The following CNTNAP5 variants were observed in gnomAD, a reference collection of about 807,000 sequenced individuals.
The protein encoded by CNTNAP5 is contactin associated protein family member 5, also known as contactin-associated protein-like 5.
CNTNAP5 carries 72 observed loss-of-function variants against 150.2 expected under a neutral mutation model. That is an observed-to-expected ratio of 0.48 (90% CI 0.40 to 0.58). The LOEUF (loss-of-function observed/expected upper bound fraction) is 0.58, where lower values mean the gene tolerates loss of function less well. CNTNAP5 is among the 20% of genes least tolerant of loss of function. The pLI is 0.00. For synonymous variants in CNTNAP5, 672 were observed against 619.8 expected (o/e 1.08, Z -1.25); for missense variants, 1,636 against 1,626.2 (o/e 1.01, Z -0.10).
chr2:124,396,506 C>T (rs549144281), intron 3 of CNTNAP5, among the ~76,000 whole-genome samples: 32 of 152,224 alleles, frequency 2.1e-4, no homozygotes, highest in Non-Finnish European at 4.1e-4. Context: ...TTAATAAATA[C>T]GTTGTAAAGA....
chr2:124,662,481 A>C (rs1678612710), intron 13 of CNTNAP5, among the ~76,000 whole-genome samples: 1 of 152,360 alleles, frequency 6.6e-6, no homozygotes, highest in African/African-American at 2.4e-5. Flanking sequence ...ACATGACTGT[A>C]TACATGTATT....
At chr2:124,860,362 A>T (rs939882947) in intron 19 of CNTNAP5, among the ~76,000 whole-genome samples, 19 of 151,492 alleles carry the variant, frequency 1.3e-4, no homozygotes, top group Admixed American at 5.3e-4. Context: ...AAAAAAAAAA[A>T]TTTCTAAGAC....
chr2:124,489,243 C>T (rs1168013107), intron 7 of CNTNAP5, among the ~76,000 whole-genome samples: 1 of 152,188 alleles, frequency 6.6e-6, no homozygotes, highest in African/African-American at 2.4e-5. Flanking sequence ...TTGACTAACA[C>T]AACAGAAATT....
chr2:124,741,661 A>G (rs1422544839), intron 13 of CNTNAP5, among the ~76,000 whole-genome samples: 5 of 152,198 alleles, frequency 3.3e-5, no homozygotes, highest in Non-Finnish European at 7.3e-5. Flanking sequence ...AGGAAACTTT[A>G]TGGTCAGGAT....
At chr2:124,305,264 TAA>T (rs1287202108) in intron 3 of CNTNAP5, among the ~76,000 whole-genome samples, 1 of 137,050 alleles carries the variant, frequency 7.3e-6, no homozygotes, top group Non-Finnish European at 1.6e-5. Flanking sequence ...GATGACAGTC[TAA>T]AAAAAAAAAA....
intron 10 of CNTNAP5, among the ~76,000 whole-genome samples, chr2:124,554,910 A>G (rs1283592916): frequency 1.3e-5 from 2 of 152,192 alleles, no homozygotes; most frequent in Non-Finnish European, 2.9e-5. Flanking sequence ...AAGAGAAAAG[A>G]AAAATGAGAT....
At chr2:124,623,641 A>G (rs994837253) in intron 12 of CNTNAP5, among the ~76,000 whole-genome samples, 8 of 152,222 alleles carry the variant, frequency 5.3e-5, no homozygotes, top group African/African-American at 1.9e-4. Context: ...AGTGACAGTC[A>G]CAGAGAAGGT....
chr2:124,334,289 A>G (rs991379367), intron 3 of CNTNAP5, among the ~76,000 whole-genome samples: 1 of 152,154 alleles, frequency 6.6e-6, no homozygotes, highest in Non-Finnish European at 1.5e-5. Flanking sequence ...TAAGAAAAAT[A>G]TATCAAGGGA....
At chr2:124,705,541 TAATA>T (rs1216811927) in intron 13 of CNTNAP5, among the ~76,000 whole-genome samples, 1 of 151,608 alleles carries the variant, frequency 6.6e-6, no homozygotes, top group Admixed American at 6.6e-5. Flanking sequence ...AAAATAAAAA[TAATA>T]AATAAATAAA....
At chr2:124,377,310 T>A (rs1690674690) in intron 3 of CNTNAP5, among the ~76,000 whole-genome samples, 1 of 152,088 alleles carries the variant, frequency 6.6e-6, no homozygotes, top group Non-Finnish European at 1.5e-5. Flanking sequence ...AGCTAATGGG[T>A]CACTCTTTGC....
intron 7 of CNTNAP5, among the ~76,000 whole-genome samples, chr2:124,483,146 CTG>C (rs2104841861): frequency 6.6e-6 from 1 of 152,298 alleles, no homozygotes; most frequent in East Asian, 1.9e-4. Flanking sequence ...TTCAAACTCA[CTG>C]GTAGGGTTCA....
intron 10 of CNTNAP5, among the ~76,000 whole-genome samples, chr2:124,540,062 C>A (rs1695342721): frequency 6.6e-6 from 1 of 152,110 alleles, no homozygotes; most frequent in Non-Finnish European, 1.5e-5. Flanking sequence ...TGGGAGAATG[C>A]AGATTAAGTT....
chr2:124,875,698 G>GTTTTTT (rs5834090), intron 21 of CNTNAP5, among the ~76,000 whole-genome samples: 10 of 126,780 alleles, frequency 7.9e-5, no homozygotes, highest in South Asian at 2.6e-4. Context: ...AACCATGAGG[G>GTTTTTT]TTTTTTTTTT....
intron 3 of CNTNAP5, among the ~76,000 whole-genome samples, chr2:124,275,060 G>A (rs777657353): frequency 2.0e-5 from 3 of 152,142 alleles, no homozygotes; most frequent in Non-Finnish European, 4.4e-5. Context: ...GGCAAAGAGA[G>A]AGAACTTGTG....
intron 3 of CNTNAP5, among the ~76,000 whole-genome samples, chr2:124,341,785 C>G (rs1413151315): frequency 6.6e-6 from 1 of 152,122 alleles, no homozygotes; most frequent in Non-Finnish European, 1.5e-5. Context: ...AGAGATCTGA[C>G]AGATTTTTCT....
At position 124,833,581 on chromosome 2, in the gene CNTNAP5, C is replaced by A. The variant is rs115569843; in HGVS notation, c.3218-31725C>A. On this transcript the variant is annotated intron_variant, in intron 19 of 23. Transcript: ENST00000682447. ...ATGGAATGAGGACCTCACCTAGGAG[C>A]AATCCTTCAGAGAGGTTATCAGATG... is the stretch of plus-strand genomic sequence containing the variant. 5.3e-3 allele frequency among the ~76,000 whole-genome samples: 814 copies of A among 152,260 alleles called. 12 individuals carry two copies. Among genetic ancestry groups the A allele is most frequent in the African/African-American group, 0.018 (755 of 41,562 alleles).
intron 10 of CNTNAP5, among the ~76,000 whole-genome samples, chr2:124,531,277 G>A: frequency 6.6e-6 from 1 of 152,114 alleles, no homozygotes; most frequent in East Asian, 1.9e-4. Flanking sequence ...AGGCAGTAAT[G>A]TGAGTGACGA....
chr2:124,784,482 A>G (rs1030785402), intron 17 of CNTNAP5, among the ~76,000 whole-genome samples: 1 of 152,214 alleles, frequency 6.6e-6, no homozygotes, highest in Non-Finnish European at 1.5e-5. Context: ...CCAAGGAAAC[A>G]TCATCATAAT....
chr2:124,328,612 G>A (rs766560586), intron 3 of CNTNAP5, among the ~76,000 whole-genome samples: 101 of 152,250 alleles, frequency 6.6e-4, no homozygotes, highest in Admixed American at 4.4e-3. Flanking sequence ...TGATAAAGGC[G>A]CCTGTTTGTT....
Sources: allele counts gnomAD v4.1 joint callset (sites outside exome capture counted in the v4.1 genomes callset), GRCh38; gene constraint gnomAD v4.1.1; transcripts MANE v1.5; gene names NCBI Gene and HGNC (gene_info 2026-07-23, HGNC 2026-07-21).